The following AGAP1 variants were observed in gnomAD, a reference collection of about 807,000 sequenced individuals.
The protein encoded by AGAP1 is arf-GAP with GTPase, ANK repeat and PH domain-containing protein 1.
AGAP1 carries 29 observed loss-of-function variants against 105.3 expected under a neutral mutation model. That is an observed-to-expected ratio of 0.28 (90% CI 0.21 to 0.38). AGAP1 has a LOEUF of 0.38. Ranked by LOEUF, AGAP1 falls within the 10% of genes least tolerant of loss-of-function variation. The pLI is 1.00. For synonymous variants in AGAP1, 509 were observed against 485.9 expected, an observed-to-expected ratio of 1.05 and a Z score of -0.63; for missense variants, 998 against 1,165.1, an observed-to-expected ratio of 0.86 and a Z score of 2.09.
At chr2:235,997,520 T>G (rs2055871227) in intron 13 of AGAP1, among the ~76,000 whole-genome samples, 2 of 152,358 alleles carry the variant, frequency 1.3e-5, no homozygotes, top group South Asian at 4.1e-4. Flanking sequence ...CATACATTTT[T>G]GTGAGGCCTG....
At position 235,843,450 on chromosome 2, in the gene AGAP1, T is replaced by G. The variant is rs1469992855; in HGVS notation, c.1050+36119T>G. Among the ~76,000 whole-genome samples the G allele has an allele frequency of 6.6e-6, 1 of 152,162 alleles. No individual in the cohort carries two copies. Among genetic ancestry groups the G allele is most frequent in the African/African-American group, 2.4e-5 (1 of 41,438 alleles). On this transcript the variant is annotated intron_variant, in intron 9 of 17. Transcript: ENST00000304032. The surrounding 1 kb of genome is among the most constrained non-coding windows in gnomAD (Gnocchi z 5.9). ...GGGCCCCACTTTCTTCCTGGAAAGG[T>G]ATTTTCTGGGGCCAGGGAGCAATGT... is the stretch of plus-strand genomic sequence containing the variant.
Position 235,615,113 on chromosome 2 carries a change from G to A in AGAP1, c.164-94066G>A, listed in dbSNP as rs982740185. 6.6e-5 allele frequency among the ~76,000 whole-genome samples: 10 copies of A among 152,292 alleles called. No homozygotes were observed. Among genetic ancestry groups the A allele is most frequent in the Middle Eastern group, 3.4e-3 (1 of 294 alleles). ...GTGCAAGTACGCCTGACTCCTCCGC[G>A]CAGGGAATGAGCAGCCTCTGCTCCT... On this transcript the variant is annotated intron_variant, in intron 1 of 17. Coordinates refer to ENST00000304032, the MANE Select transcript of AGAP1 (RefSeq NM_001037131.3). The surrounding 1 kb of genome is among the most constrained non-coding windows in gnomAD (Gnocchi z 5.0).
At chr2:235,786,262 C>T (rs892675847) in intron 6 of AGAP1, among the ~76,000 whole-genome samples, 2 of 152,122 alleles carry the variant, frequency 1.3e-5, no homozygotes, top group Non-Finnish European at 2.9e-5. Context: ...CATCTCCTGG[C>T]CTTTTGAACA....
At position 235,670,867 on chromosome 2, in the gene AGAP1, C is replaced by T. The variant is rs781600512; in HGVS notation, c.164-38312C>T. 2.6e-4 allele frequency: 338 copies of T among 1,312,200 alleles called. 1 individual carries two copies. The highest frequency in any genetic ancestry group is 3.1e-4 in the Non-Finnish European group (318 of 1,027,818). 81.3% of individuals were successfully genotyped at this position (1,312,200 alleles called of 1,614,324 possible). A position where few individuals can be genotyped will look rare whatever the true frequency, so the allele number is the denominator to read the frequency against. ...AGCGCGCGCGGGCGGCGGCCGGGGCCGGCGCGGCCTCGGAGCACCGGCTGC... is the reference window on the plus strand; with the variant it reads ...AGCGCGCGCGGGCGGCGGCCGGGGCTGGCGCGGCCTCGGAGCACCGGCTGC... On this transcript the variant is annotated intron_variant, in intron 1 of 17. Transcript: ENST00000304032.
At chr2:235,637,805 A>G (rs1309738099) in intron 1 of AGAP1, among the ~76,000 whole-genome samples, 1 of 152,176 alleles carries the variant, frequency 6.6e-6, no homozygotes, top group African/African-American at 2.4e-5. Context: ...ATCTGTCTGC[A>G]CACTGGAGAA....
In AGAP1 at chr2:235,960,031, C is replaced by T. The variant is rs181104403; in HGVS notation, c.1484-8431C>T. ...TTGGAGCATTGCCGTGGCAGGAGAACGCAGTGGGCAGAGACGCACCCTGCC... is the reference window on the plus strand; with the variant it reads ...TTGGAGCATTGCCGTGGCAGGAGAATGCAGTGGGCAGAGACGCACCCTGCC... On this transcript the variant is annotated intron_variant, in intron 12 of 17. Transcript: ENST00000304032. The surrounding 1 kb of genome is among the most constrained non-coding windows in gnomAD (Gnocchi z 4.9). Among the ~76,000 whole-genome samples, 67 of 152,296 alleles carry T rather than the reference C, an allele frequency of 4.4e-4. No homozygotes were observed. The highest frequency in any genetic ancestry group is 1.5e-3 in the African/African-American group (62 of 41,568).
intron 9 of AGAP1, among the ~76,000 whole-genome samples, chr2:235,846,729 TG>T (rs986207999): frequency 2.0e-5 from 3 of 152,178 alleles, no homozygotes; most frequent in African/African-American, 7.2e-5. Context: ...CTCTAACTCC[TG>T]GGCTCAAGTG....
chr2:235,911,313 G>A (rs943814912), intron 11 of AGAP1, among the ~76,000 whole-genome samples: 1 of 152,152 alleles, frequency 6.6e-6, no homozygotes, highest in Non-Finnish European at 1.5e-5. Flanking sequence ...CAGGCCCCAG[G>A]AGGGCTGTGT....
chr2:235,903,935 A>G (rs1303799615), intron 10 of AGAP1, among the ~76,000 whole-genome samples: 1 of 152,038 alleles, frequency 6.6e-6, no homozygotes, highest in Non-Finnish European at 1.5e-5. Context: ...CCGAGATACT[A>G]ATGACTCCGC....
chr2:235,996,509 A>G (rs1311842050), intron 13 of AGAP1, among the ~76,000 whole-genome samples: 3 of 152,232 alleles, frequency 2.0e-5, no homozygotes, highest in African/African-American at 7.2e-5. Flanking sequence ...TTTAAATGCC[A>G]ACCATCTTGA....
intron 9 of AGAP1, among the ~76,000 whole-genome samples, chr2:235,834,091 C>T (rs1034557092): frequency 6.6e-5 from 10 of 152,128 alleles, no homozygotes; most frequent in African/African-American, 1.7e-4. Flanking sequence ...ATGCAGTCCA[C>T]GGGCACACTG....
In AGAP1 at chr2:235,985,065, A is replaced by G. The variant is rs368117540; in HGVS notation, c.1645+16442A>G. Reference sequence around the variant, plus strand: ...AATGGTTGAACTAATTTACATTCCCACCAACAGTGTAAAAGCATTCCTATT... The same window carrying G: ...AATGGTTGAACTAATTTACATTCCCGCCAACAGTGTAAAAGCATTCCTATT... On this transcript the variant is annotated intron_variant, in intron 13 of 17. Coordinates refer to ENST00000304032, the MANE Select transcript of AGAP1 (RefSeq NM_001037131.3). Among the ~76,000 whole-genome samples the G allele has an allele frequency of 5.7e-4, 87 of 152,268 alleles. 1 individual carries two copies. The South Asian group carries it at 0.017, about 31-fold the overall frequency.
rs2054095028 is a variant in AGAP1 at position 235,959,561 on chromosome 2, C to T, written c.1484-8901C>T. On this transcript the variant is annotated intron_variant, in intron 12 of 17. Coordinates refer to ENST00000304032, the MANE Select transcript of AGAP1 (RefSeq NM_001037131.3). This position sits in a 1 kb window ranked among gnomAD's most constrained non-coding sequence, Gnocchi z 7.3. ...CCCAGGAGAGGTCAGGGCCTGGCCT[C>T]CAGGTGGGTCCTCTCTGGTCGCTCC... 6.6e-6 allele frequency among the ~76,000 whole-genome samples: 1 copy of T among 151,918 alleles called. No homozygotes were observed. The highest frequency in any genetic ancestry group is 6.6e-5 in the Admixed American group (1 of 15,264).
chr2:235,527,967 T>C (rs904478514), intron 1 of AGAP1, among the ~76,000 whole-genome samples: 5 of 152,228 alleles, frequency 3.3e-5, no homozygotes, highest in African/African-American at 1.2e-4. Flanking sequence ...AGTACACAGA[T>C]GTGTCATAAC....
chr2:235,944,926 C>T (rs188069801), intron 12 of AGAP1, among the ~76,000 whole-genome samples: 1 of 152,180 alleles, frequency 6.6e-6, no homozygotes, highest in Admixed American at 6.5e-5. Flanking sequence ...CAGCACCCGG[C>T]TTTTACATAG....
At chr2:235,785,503 T>A (rs1200674908) in intron 6 of AGAP1, among the ~76,000 whole-genome samples, 1 of 152,258 alleles carries the variant, frequency 6.6e-6, no homozygotes, top group Non-Finnish European at 1.5e-5. Context: ...CTCTTGCGTC[T>A]CCTGTTCCTC....
In AGAP1 at chr2:235,750,556, C is replaced by T. The variant is rs1953342669; in HGVS notation, c.673+68C>T. 1 of 1,601,756 alleles carries T rather than the reference C, an allele frequency of 6.2e-7. No individual in the cohort carries two copies. The highest frequency in any genetic ancestry group is 1.3e-5 in the African/African-American group (1 of 74,718). The stretch of plus-strand genomic sequence containing the variant: ...ACGGGAGGCACTTCAAGAAGTCAGT[C>T]CTGCCTGCACTTGTGCATGTGGGTG... On this transcript the variant is annotated intron_variant, in intron 6 of 17. Coordinates refer to ENST00000304032, the MANE Select transcript of AGAP1 (RefSeq NM_001037131.3). The surrounding 1 kb of genome is among the most constrained non-coding windows in gnomAD (Gnocchi z 5.3).
chr2:235,688,436 C>T (rs1362405466), intron 1 of AGAP1, among the ~76,000 whole-genome samples: 1 of 152,138 alleles, frequency 6.6e-6, no homozygotes, highest in Non-Finnish European at 1.5e-5. Context: ...TCCACTCACT[C>T]ACCTCTCACA....
intron 1 of AGAP1, among the ~76,000 whole-genome samples, chr2:235,703,653 C>T (rs543598306): frequency 2.0e-5 from 3 of 147,808 alleles, no homozygotes; most frequent in South Asian, 2.3e-4. Flanking sequence ...GGCTGGAGTG[C>T]GGTGGCACAA....
Sources: gnomAD v4.1 joint callset for allele counts (sites outside exome capture counted in the v4.1 genomes callset) on GRCh38, gnomAD v4.1.1 for gene constraint, Gnocchi (gnomAD v3.1) non-coding constraint, MANE v1.5 for transcripts, NCBI Gene and HGNC (gene_info 2026-07-23, HGNC 2026-07-21) for gene names.